HEATR5B: variants seen among roughly 807,000 people sequenced by gnomAD.
HEATR5B encodes HEAT repeat containing 5B.
Under a neutral mutation model 224.1 loss-of-function variants are expected in HEATR5B, and 156 were observed. The observed-to-expected ratio is 0.70, with a 90% CI of 0.61 to 0.80. HEATR5B has a LOEUF of 0.80. Ranked by LOEUF, HEATR5B falls within the 30% of genes least tolerant of loss-of-function variation. The pLI, the probability that HEATR5B is intolerant of heterozygous loss-of-function variation, is 0.00. For synonymous variants in HEATR5B, 1,027 were observed against 893.0 expected, an observed-to-expected ratio of 1.15 and a Z score of -2.68; for missense variants, 2,323 against 2,535.5, an observed-to-expected ratio of 0.92 and a Z score of 1.80.
intron 5 of HEATR5B, among the ~76,000 whole-genome samples, chr2:37,072,575 C>G (rs1671972819): frequency 6.6e-6 from 1 of 152,044 alleles, no homozygotes; most frequent in East Asian, 1.9e-4. Context: ...AATCAATAAC[C>G]TCAGCTTCAC....
At chr2:37,006,915 G>A (rs1667460790) in intron 29 of HEATR5B, 135 bp downstream of exon 29, 1 of 701,652 alleles carries the variant, frequency 1.4e-6, no homozygotes, top group African/African-American at 1.8e-5. Context: ...AATTTATAAG[G>A]TGAGGTGAAA....
At chr2:37,023,309 A>G (rs560369537) in intron 24 of HEATR5B, among the ~76,000 whole-genome samples, 1 of 152,340 alleles carries the variant, frequency 6.6e-6, no homozygotes, top group Admixed American at 6.5e-5. Context: ...CAAAACCCAC[A>G]AAGTCTTTTT....
chr2:37,032,199 T>G (rs1669177771), intron 22 of HEATR5B, among the ~76,000 whole-genome samples: 1 of 152,228 alleles, frequency 6.6e-6, no homozygotes, highest in Non-Finnish European at 1.5e-5. Flanking sequence ...CTTTTCAGTT[T>G]TTTTAAGCTG....
At chr2:37,052,913 C>A (rs137872222) in intron 17 of HEATR5B, among the ~76,000 whole-genome samples, 1 of 152,090 alleles carries the variant, frequency 6.6e-6, no homozygotes, top group Non-Finnish European at 1.5e-5. Flanking sequence ...TAAATTATTT[C>A]GGGAAATTTC....
At chr2:37,032,889 T>TA in intron 21 of HEATR5B, 116 bp from the exon 22 acceptor site, 1 of 945,760 alleles carries the variant, frequency 1.1e-6, no homozygotes, top group South Asian at 2.0e-5. Flanking sequence ...GTTTTGTTTT[T>TA]TTTTTTTTGA....
chr2:37,059,551 C>T (rs562815913), intron 12 of HEATR5B, among the ~76,000 whole-genome samples: 5 of 147,168 alleles, frequency 3.4e-5, no homozygotes, highest in Admixed American at 6.9e-5. Flanking sequence ...GCAACCTCCA[C>T]GTCCTAGGTT....
chr2:37,073,055 C>T (rs1281399228), intron 5 of HEATR5B, among the ~76,000 whole-genome samples: 1 of 152,070 alleles, frequency 6.6e-6, no homozygotes, highest in Non-Finnish European at 1.5e-5. Context: ...AATTCTATAC[C>T]AACTCTTCCA....
At chr2:36,998,639 C>A (rs1260467931) in intron 33 of HEATR5B, among the ~76,000 whole-genome samples, 1 of 152,210 alleles carries the variant, frequency 6.6e-6, no homozygotes, top group Admixed American at 6.5e-5. Flanking sequence ...ACAAAAATAT[C>A]ATTGACAGGG....
rs1422862222 is a variant in HEATR5B at position 37,008,672 on chromosome 2, T to C, written c.4461A>G (p.Ala1487=). 6.2e-7 allele frequency: 1 copy of C among 1,614,216 alleles called. No homozygotes were observed. ...LPTLSRLWLA[A]LKDYALLTLP... ...AAGTCAAGAGTGCATAATCTTTTAATGCTGCTAACCACAGGCGACTGAGTG... is the reference window on the plus strand; with the variant it reads ...AAGTCAAGAGTGCATAATCTTTTAACGCTGCTAACCACAGGCGACTGAGTG... The change falls in exon 28 of 36, where the codon GCA becomes GCG. Residue 1487 remains alanine, a synonymous_variant. Transcript: ENST00000233099.
In HEATR5B at chr2:37,075,638, G is replaced by C; in HGVS notation, c.448-4C>G. ...AGATTTCACTTCGCCCTTGAGACTA[G>C]ACATGTATACAAAACAAAACTATTT... On this transcript the variant is annotated splice_polypyrimidine_tract_variant and splice_region_variant and intron_variant, in intron 4 of 35. Coordinates refer to ENST00000233099, the MANE Select transcript of HEATR5B (RefSeq NM_019024.3). 6.2e-7 allele frequency: 1 copy of C among 1,608,058 alleles called. No individual in the cohort carries two copies. The highest frequency in any genetic ancestry group is 1.1e-5 in the South Asian group (1 of 90,436).
chr2:37,060,515 T>G, intron 12 of HEATR5B, 66 bp downstream of exon 12: 1 of 1,342,554 alleles, frequency 7.4e-7, no homozygotes, highest in Non-Finnish European at 1.0e-6. Flanking sequence ...TAGTGATTTT[T>G]CTTTTACTTT....
chr2:37,058,543 T>A lies in HEATR5B; in HGVS notation c.1967A>T (p.Lys656Ile). Residue 656 changes from lysine (K) to isoleucine (I), a missense_variant, in exon 14 of 36, where the codon AAA becomes ATA. Lys to Ile is a moderately radical substitution (Grantham distance 102). This residue lies in a region of HEATR5B where 502 missense variants were observed against 517.8 expected (regional missense o/e 0.97). Coordinates refer to ENST00000233099, the MANE Select transcript of HEATR5B (RefSeq NM_019024.3). ...AGCTTTCAGATGAGCTCCATGGGCTTTCATTACAGATGGAATGCTAAAATA... is the reference window on the plus strand; with the variant it reads ...AGCTTTCAGATGAGCTCCATGGGCTATCATTACAGATGGAATGCTAAAATA... Reference protein sequence around the residue: ...TMMSHIPSVMKAHGAHLKASA... With the variant: ...TMMSHIPSVMIAHGAHLKASA... The A allele has an allele frequency of 6.2e-7, 1 of 1,608,754 alleles. No individual in the cohort carries two copies. The highest frequency in any genetic ancestry group is 8.5e-7 in the Non-Finnish European group (1 of 1,175,142).
intron 28 of HEATR5B, among the ~76,000 whole-genome samples, chr2:37,007,996 A>G (rs1373100461): frequency 6.7e-6 from 1 of 149,604 alleles, no homozygotes; most frequent in East Asian, 2.0e-4. Flanking sequence ...ATTCCTCTCC[A>G]CCTCCTGTTG....
At chr2:37,068,442 C>G (rs1671713941) in intron 8 of HEATR5B, among the ~76,000 whole-genome samples, 1 of 152,082 alleles carries the variant, frequency 6.6e-6, no homozygotes, top group Non-Finnish European at 1.5e-5. Flanking sequence ...TTATAAAATC[C>G]GTATAGGTAC....
intron 7 of HEATR5B, 99 bp downstream of exon 7, chr2:37,070,131 C>G: frequency 9.0e-7 from 1 of 1,105,390 alleles, no homozygotes; most frequent in Non-Finnish European, 1.3e-6. Context: ...AACTCCTGAC[C>G]TCAGGCAATC....
chr2:36,990,006 A>C (rs971577762), intron 34 of HEATR5B, among the ~76,000 whole-genome samples: 3 of 141,174 alleles, frequency 2.1e-5, no homozygotes, highest in African/African-American at 8.1e-5. Context: ...GGTTCAAGTG[A>C]TTCTCCTGCC....
Position 37,070,129 on chromosome 2 carries a change from A to C in HEATR5B, c.927+101T>G. The stretch of plus-strand genomic sequence containing the variant: ...TAGTCAGGCTGGTCTCAAACTCCTG[A>C]CCTCAGGCAATCTGCCCGCCTTGGC... On this transcript the variant is annotated intron_variant, in intron 7 of 35. Transcript: ENST00000233099. The C allele has an allele frequency of 2.8e-6, 3 of 1,061,080 alleles. No homozygotes were observed. The South Asian group carries it at 4.2e-5, about 15-fold the overall frequency. 65.7% of individuals were successfully genotyped at this position (1,061,080 alleles called of 1,614,324 possible). A position where few individuals can be genotyped will look rare whatever the true frequency, so the allele number is the denominator to read the frequency against.
intron 4 of HEATR5B, among the ~76,000 whole-genome samples, chr2:37,076,701 A>G (rs979596455): frequency 2.0e-5 from 3 of 152,228 alleles, no homozygotes; most frequent in Admixed American, 6.5e-5. Flanking sequence ...TAAATAAAAA[A>G]TAACAAGTAA....
At chr2:37,000,334 C>G (rs1159005848) in intron 33 of HEATR5B, among the ~76,000 whole-genome samples, 1 of 152,138 alleles carries the variant, frequency 6.6e-6, no homozygotes, top group Non-Finnish European at 1.5e-5. Context: ...CCTTGGCCTC[C>G]CAAAATGCTG....
Sources: gnomAD v4.1 joint callset for allele counts (sites outside exome capture counted in the v4.1 genomes callset) on GRCh38, gnomAD v4.1.1 for gene constraint, gnomAD v4.1.1 regional missense constraint, MANE v1.5 for transcripts, NCBI Gene and HGNC (gene_info 2026-07-23, HGNC 2026-07-21) for gene names.